CSMD1: variants seen among roughly 807,000 people sequenced by gnomAD.
The protein encoded by CSMD1 is CUB and Sushi multiple domains 1, also known as CUB and sushi domain-containing protein 1.
A neutral mutation model predicts 417.5 loss-of-function variants in CSMD1; 213 were observed. That is an observed-to-expected ratio of 0.51 (90% CI 0.46 to 0.57). CSMD1 has a LOEUF of 0.57. Ranked by LOEUF, CSMD1 falls within the 20% of genes least tolerant of loss-of-function variation. The pLI is 0.00. For missense variants in CSMD1, 6,923 were observed against 4,529.7 expected, an observed-to-expected ratio of 1.53 and a Z score of -15.17; for synonymous variants, 2,862 against 1,736.8, an observed-to-expected ratio of 1.65 and a Z score of -16.11.
At chr8:3,897,633 G>A (rs973968074) in intron 5 of CSMD1, among the ~76,000 whole-genome samples, 2 of 151,790 alleles carry the variant, frequency 1.3e-5, no homozygotes, top group East Asian at 1.9e-4. Context: ...ATGGACTGCT[G>A]TAACACAAAT....
intron 3 of CSMD1, among the ~76,000 whole-genome samples, chr8:4,313,115 C>G (rs1350653855): frequency 6.6e-6 from 1 of 152,128 alleles, no homozygotes. Context: ...CTTATGGTCC[C>G]TTATTGGTCC....
intron 2 of CSMD1, among the ~76,000 whole-genome samples, chr8:4,520,128 T>C (rs1803359270): frequency 6.6e-6 from 1 of 152,226 alleles, no homozygotes; most frequent in Non-Finnish European, 1.5e-5. Context: ...TACATTCATC[T>C]GAAAGAGCAA....
At chr8:3,557,634 T>C (rs957315061) in intron 10 of CSMD1, among the ~76,000 whole-genome samples, 1 of 152,216 alleles carries the variant, frequency 6.6e-6, no homozygotes, top group Non-Finnish European at 1.5e-5. Flanking sequence ...TTTGAGGCCC[T>C]ATCTCCTGCC....
At chr8:3,092,721 C>T (rs922598440) in intron 47 of CSMD1, among the ~76,000 whole-genome samples, 6 of 152,174 alleles carry the variant, frequency 3.9e-5, no homozygotes, top group African/African-American at 1.2e-4. Context: ...CGGCATTGCC[C>T]TCATCACCAT....
chr8:3,046,218 C>T (rs564261210), intron 50 of CSMD1, among the ~76,000 whole-genome samples: 3 of 152,210 alleles, frequency 2.0e-5, no homozygotes, highest in East Asian at 3.9e-4. Context: ...GGTGAGGCAG[C>T]GGGGGTTTCA....
intron 18 of CSMD1, among the ~76,000 whole-genome samples, chr8:3,372,966 C>G (rs1314306733): frequency 6.6e-6 from 1 of 152,118 alleles, no homozygotes; most frequent in East Asian, 1.9e-4. Context: ...CGTAACTTTT[C>G]ACTGGTCTAT....
chr8:3,283,396 A>T (rs1802887407), intron 26 of CSMD1, among the ~76,000 whole-genome samples: 1 of 152,228 alleles, frequency 6.6e-6, no homozygotes, highest in South Asian at 2.1e-4. Flanking sequence ...CTTGCATCCA[A>T]GTCTAGAAAT....
intron 2 of CSMD1, among the ~76,000 whole-genome samples, chr8:4,529,873 G>A (rs1326901574): frequency 7.4e-6 from 1 of 136,018 alleles, no homozygotes; most frequent in Non-Finnish European, 1.5e-5. Context: ...TGCTGCCATT[G>A]TTTTTTTTTT....
At chr8:4,227,259 G>T (rs1347406735) in intron 3 of CSMD1, among the ~76,000 whole-genome samples, 1 of 152,126 alleles carries the variant, frequency 6.6e-6, no homozygotes, top group Non-Finnish European at 1.5e-5. Flanking sequence ...CAACATGGAC[G>T]AGCAAGATGG....
chr8:3,674,099 C>A (rs1394541998), intron 7 of CSMD1, among the ~76,000 whole-genome samples: 1 of 150,582 alleles, frequency 6.6e-6, no homozygotes, highest in Non-Finnish European at 1.5e-5. Flanking sequence ...GAGTGAGACT[C>A]CCTCTCAAAA....
At chr8:4,527,269 G>T (rs192820528) in intron 2 of CSMD1, among the ~76,000 whole-genome samples, 6 of 152,172 alleles carry the variant, frequency 3.9e-5, no homozygotes, top group Admixed American at 3.9e-4. Context: ...CTTTTTTGTA[G>T]CATTTATATG....
At chr8:4,040,172 G>C (rs961829684) in intron 3 of CSMD1, among the ~76,000 whole-genome samples, 1 of 152,176 alleles carries the variant, frequency 6.6e-6, no homozygotes. Flanking sequence ...TGCTAGCATA[G>C]TTGTAATGGA....
intron 3 of CSMD1, among the ~76,000 whole-genome samples, chr8:4,194,683 C>CA (rs1227324642): frequency 6.6e-6 from 1 of 152,088 alleles, no homozygotes; most frequent in Non-Finnish European, 1.5e-5. Flanking sequence ...GGAAAAGGAT[C>CA]ATACAACACA....
intron 1 of CSMD1, among the ~76,000 whole-genome samples, chr8:4,638,841 T>C (rs1803017338): frequency 6.6e-6 from 1 of 152,212 alleles, no homozygotes; most frequent in Admixed American, 6.5e-5. Flanking sequence ...CTGAGCAGTG[T>C]CTGAGGAACT....
chr8:4,398,551 G>C (rs746426004), intron 3 of CSMD1, among the ~76,000 whole-genome samples: 1 of 151,692 alleles, frequency 6.6e-6, no homozygotes, highest in African/African-American at 2.4e-5. Flanking sequence ...CCGCCACCAT[G>C]CCCGGCCAAA....
intron 7 of CSMD1, among the ~76,000 whole-genome samples, chr8:3,690,005 G>A (rs1012950689): frequency 6.6e-6 from 1 of 152,160 alleles, no homozygotes; most frequent in Non-Finnish European, 1.5e-5. Flanking sequence ...ACAAGGTAAG[G>A]GTGGTCAGTA....
At chr8:3,839,072 A>G (rs1312922302) in intron 5 of CSMD1, among the ~76,000 whole-genome samples, 1 of 125,994 alleles carries the variant, frequency 7.9e-6, no homozygotes, top group African/African-American at 2.9e-5. Flanking sequence ...ATAGATATAT[A>G]GCCTAGGCTA....
chr8:4,283,155 G>C (rs1212974747), intron 3 of CSMD1, among the ~76,000 whole-genome samples: 2 of 152,144 alleles, frequency 1.3e-5, no homozygotes, highest in East Asian at 3.8e-4. Flanking sequence ...TTGGTTTTGT[G>C]AAGGTACGTT....
chr8:4,248,778 G>A (rs1291038108), intron 3 of CSMD1, among the ~76,000 whole-genome samples: 1 of 152,076 alleles, frequency 6.6e-6, no homozygotes, highest in Non-Finnish European at 1.5e-5. Context: ...TTTACTGTCA[G>A]TTTTCCTCCT....
Sources: allele counts gnomAD v4.1 joint callset (sites outside exome capture counted in the v4.1 genomes callset), GRCh38; gene constraint gnomAD v4.1.1; transcripts MANE v1.5; gene names NCBI Gene and HGNC (gene_info 2026-07-23, HGNC 2026-07-21).